The following CDK17 variants were observed in gnomAD, a reference collection of about 807,000 sequenced individuals.
CDK17 encodes the protein cyclin dependent kinase 17.
In CDK17, 24 loss-of-function variants were observed where a neutral mutation model predicts 77.6. The ratio of observed to expected loss-of-function variants is 0.31; its 90% CI spans 0.22 to 0.44. The LOEUF (loss-of-function observed/expected upper bound fraction) is 0.44. Among genes scored for constraint, CDK17 ranks in the 20% least tolerant of loss-of-function variants. The pLI is 1.00. For synonymous variants in CDK17, 203 were observed against 210.4 expected (o/e 0.96, Z 0.30); for missense variants, 429 against 622.5 (o/e 0.69, Z 3.31).
At chr12:96,283,286 A>G (rs1952199957) in intron 14 of CDK17, among the ~76,000 whole-genome samples, 1 of 152,130 alleles carries the variant, frequency 6.6e-6, no homozygotes, top group Non-Finnish European at 1.5e-5. Flanking sequence ...GAGGCAGAGC[A>G]TCCTCCAAAG....
At chr12:96,317,549 A>G (rs2137115895) in intron 3 of CDK17, among the ~76,000 whole-genome samples, 1 of 116,770 alleles carries the variant, frequency 8.6e-6, no homozygotes, top group East Asian at 2.5e-4. Context: ...AGCCAGAGAG[A>G]AAGGTCGGGT....
chr12:96,378,581 T>G (rs917959126), intron 1 of CDK17, among the ~76,000 whole-genome samples: 4 of 152,254 alleles, frequency 2.6e-5, no homozygotes, highest in African/African-American at 9.6e-5. Context: ...GGGATATTGT[T>G]GCTTCTAGGT....
intron 1 of CDK17, among the ~76,000 whole-genome samples, chr12:96,362,560 A>C (rs961636121): frequency 1.3e-5 from 2 of 152,132 alleles, no homozygotes; most frequent in Admixed American, 6.5e-5. Context: ...GAAAATAACT[A>C]TATTAGAGGA....
At chr12:96,281,815 C>T (rs1952182263) in intron 15 of CDK17, 11 of 152,214 alleles carry the variant, frequency 7.2e-5, no homozygotes, top group Admixed American at 7.2e-4. Flanking sequence ...TTGTCACTGA[C>T]TGCTACACAA....
At chr12:96,351,659 A>G (rs1038481284) in intron 1 of CDK17, among the ~76,000 whole-genome samples, 3 of 152,192 alleles carry the variant, frequency 2.0e-5, no homozygotes, top group Non-Finnish European at 4.4e-5. Context: ...AATAACTAAA[A>G]TGGCAAATTT....
At chr12:96,310,178 G>A (rs77642441) in intron 5 of CDK17, among the ~76,000 whole-genome samples, 1,896 of 152,064 alleles carry the variant, frequency 0.012, 39 homozygotes, top group African/African-American at 0.043. Flanking sequence ...CAAAAATAGG[G>A]CTGAAACTCA....
chr12:96,335,480 C>A (rs1384758915), intron 1 of CDK17, among the ~76,000 whole-genome samples: 2 of 152,172 alleles, frequency 1.3e-5, no homozygotes, highest in Non-Finnish European at 2.9e-5. Context: ...TGAATGCCTG[C>A]CACACAGCAG....
At chr12:96,311,715 G>A (rs925863381) in intron 4 of CDK17, among the ~76,000 whole-genome samples, 6 of 151,390 alleles carry the variant, frequency 4.0e-5, no homozygotes, top group African/African-American at 1.5e-4. Context: ...CATAACAGCA[G>A]CCAAACCATG....
chr12:96,381,988 A>G (rs1435875656), intron 1 of CDK17, among the ~76,000 whole-genome samples: 2 of 152,182 alleles, frequency 1.3e-5, no homozygotes, highest in Admixed American at 6.5e-5. Flanking sequence ...AGATAATTAT[A>G]TCACTAAAAA....
At chr12:96,326,773 G>T (rs1405846992) in intron 2 of CDK17, among the ~76,000 whole-genome samples, 1 of 152,194 alleles carries the variant, frequency 6.6e-6, no homozygotes, top group Non-Finnish European at 1.5e-5. Context: ...TAGAGGACTA[G>T]AAAGAAGGCA....
At chr12:96,327,599 G>A (rs1952908222) in intron 2 of CDK17, among the ~76,000 whole-genome samples, 1 of 151,870 alleles carries the variant, frequency 6.6e-6, no homozygotes, top group African/African-American at 2.4e-5. Context: ...ACAGGCTGAA[G>A]TGCAGTGGTG....
At chr12:96,348,225 A>G (rs1953254467) in intron 1 of CDK17, among the ~76,000 whole-genome samples, 1 of 152,126 alleles carries the variant, frequency 6.6e-6, no homozygotes, top group African/African-American at 2.4e-5. Context: ...AAAAGAATAG[A>G]GAAAAAACAA....
At chr12:96,306,530 A>C (rs961857097) in intron 5 of CDK17, among the ~76,000 whole-genome samples, 10 of 152,192 alleles carry the variant, frequency 6.6e-5, no homozygotes, top group African/African-American at 1.7e-4. Flanking sequence ...TTTTAGATTA[A>C]GGGTATATTA....
At chr12:96,387,070 C>CA in intron 1 of CDK17, 2 of 342,896 alleles carry the variant, frequency 5.8e-6, no homozygotes, top group Admixed American at 7.8e-5. Flanking sequence ...GGGTCATTTT[C>CA]ACGCTTTAAG....
chr12:96,383,761 T>C (rs571152418), intron 1 of CDK17, among the ~76,000 whole-genome samples: 4 of 152,238 alleles, frequency 2.6e-5, no homozygotes, highest in South Asian at 4.1e-4. Context: ...TTTTGTCCTA[T>C]ACAAAAATTA....
chr12:96,283,257 G>A (rs1952199643), intron 14 of CDK17, among the ~76,000 whole-genome samples: 1 of 152,068 alleles, frequency 6.6e-6, no homozygotes, highest in Non-Finnish European at 1.5e-5. Context: ...GCTTTGGAGG[G>A]AAATATGAAT....
intron 1 of CDK17, among the ~76,000 whole-genome samples, chr12:96,368,818 G>T (rs59698767): frequency 1.0e-5 from 1 of 95,618 alleles, no homozygotes; most frequent in Admixed American, 1.1e-4. Flanking sequence ...GGGGGGGGGG[G>T]GGGGGGCACA....
chr12:96,285,274 A>G (rs1021088586), intron 13 of CDK17, among the ~76,000 whole-genome samples: 2 of 152,254 alleles, frequency 1.3e-5, no homozygotes, highest in Non-Finnish European at 2.9e-5. Flanking sequence ...GTACCAACTC[A>G]CATAAATACT....
chr12:96,391,450 C>T (rs1430322602), intron 1 of CDK17, among the ~76,000 whole-genome samples: 4 of 127,008 alleles, frequency 3.1e-5, no homozygotes, highest in African/African-American at 1.0e-4. Flanking sequence ...CCACCACGCC[C>T]GGCTAATTTT....
Sources: gnomAD v4.1 joint callset for allele counts (sites outside exome capture counted in the v4.1 genomes callset) on GRCh38, gnomAD v4.1.1 for gene constraint, MANE v1.5 for transcripts, NCBI Gene and HGNC (gene_info 2026-07-23, HGNC 2026-07-21) for gene names.